The following FNDC3A variants were observed in gnomAD, a reference collection of about 807,000 sequenced individuals.
FNDC3A encodes the protein fibronectin type III domain containing 3A.
In FNDC3A, 32 loss-of-function variants were observed where a neutral mutation model predicts 148.9. The observed-to-expected ratio is 0.21, with a 90% CI of 0.16 to 0.29. The LOEUF (loss-of-function observed/expected upper bound fraction) is 0.29, where lower values mean the gene tolerates loss of function less well. Ranked by LOEUF, FNDC3A falls within the 10% of genes least tolerant of loss-of-function variation. The pLI, the probability that FNDC3A is intolerant of heterozygous loss-of-function variation, is 1.00. For missense variants in FNDC3A, 1,191 were observed against 1,452.8 expected, an observed-to-expected ratio of 0.82 and a Z score of 2.93; for synonymous variants, 472 against 473.6, an observed-to-expected ratio of 1.00 and a Z score of 0.04.
intron 4 of FNDC3A, among the ~76,000 whole-genome samples, chr13:49,129,403 G>T (rs1200461797): frequency 1.3e-5 from 2 of 152,216 alleles, no homozygotes; most frequent in Non-Finnish European, 2.9e-5. Flanking sequence ...TGAATATGAA[G>T]TACAAGCCTC....
chr13:49,197,811 G>A lies in FNDC3A; in HGVS notation c.2427G>A (p.Gly809=), dbSNP rs192543374. 9 of 1,610,708 alleles carry A rather than the reference G, an allele frequency of 5.6e-6. No homozygotes were observed. The East Asian group carries it at 1.6e-4, about 28-fold the overall frequency. ...VEGSMQICYC[G]PGLSYEIKGL... is the part of the protein sequence containing the mutation. The stretch of plus-strand genomic sequence containing the variant: ...GAAGTATGCAGATATGTTACTGTGG[G>A]CCTGGTCTCAGTTATGAAATAAAAG... The change falls in exon 21 of 26, where the codon GGG becomes GGA. Residue 809 remains glycine, a synonymous_variant. Coordinates refer to ENST00000492622, the MANE Select transcript of FNDC3A (RefSeq NM_001079673.2).
intron 14 of FNDC3A, among the ~76,000 whole-genome samples, chr13:49,184,664 C>T (rs1055604732): frequency 5.3e-5 from 8 of 151,912 alleles, no homozygotes; most frequent in African/African-American, 1.7e-4. Flanking sequence ...GGAGAGAGAC[C>T]CTGGGGTCGT....
chr13:49,097,152 G>A (rs571690127), intron 3 of FNDC3A, among the ~76,000 whole-genome samples: 2 of 152,064 alleles, frequency 1.3e-5, no homozygotes, highest in African/African-American at 4.8e-5. Context: ...TTAAGCAGGG[G>A]ATAACCAAAA....
chr13:49,118,795 A>G (rs1030748000), intron 4 of FNDC3A, among the ~76,000 whole-genome samples: 21 of 152,192 alleles, frequency 1.4e-4, no homozygotes, highest in Admixed American at 1.2e-3. Context: ...TAGCCAGACT[A>G]CCTCTCTAGA....
In FNDC3A at chr13:49,191,535, G is replaced by A. The variant is rs1019300363; in HGVS notation, c.2226+151G>A. 4.5e-5 allele frequency: 25 copies of A among 558,308 alleles called. No individual in the cohort carries two copies. In the Admixed American group the frequency reaches 6.1e-4, roughly 14 times the overall value. The allele number at this position is 558,308 out of a possible 1,614,324, so 34.6% of individuals were successfully genotyped here. Reference sequence around the variant, plus strand: ...AACAAGCCTACATTGATAAATACAAGAGAAGTCGGTATATTCCATAACTTA... The same window carrying A: ...AACAAGCCTACATTGATAAATACAAAAGAAGTCGGTATATTCCATAACTTA... On this transcript the variant is annotated intron_variant, in intron 19 of 25. Coordinates refer to ENST00000492622, the MANE Select transcript of FNDC3A (RefSeq NM_001079673.2).
chr13:49,188,689 A>G (rs1885719312), intron 17 of FNDC3A, 56 bp downstream of exon 17: 17 of 1,037,970 alleles, frequency 1.6e-5, no homozygotes, highest in Non-Finnish European at 2.6e-5. Context: ...CAAATGGGGT[A>G]GGATCACCAG....
At chr13:49,143,978 TTACTACTACTACTAC>T (rs71188348) in intron 7 of FNDC3A, among the ~76,000 whole-genome samples, 1 of 138,904 alleles carries the variant, frequency 7.2e-6, no homozygotes, top group Non-Finnish European at 1.5e-5. Flanking sequence ...GACCCCATCT[TTACTACTACTACTAC>T]TACTACTACT....
intron 2 of FNDC3A, among the ~76,000 whole-genome samples, chr13:49,019,475 C>G (rs759459805): frequency 2.0e-5 from 3 of 152,190 alleles, no homozygotes; most frequent in Admixed American, 2.0e-4. Flanking sequence ...GCAGGGTGCG[C>G]GCACCCACTG....
intron 3 of FNDC3A, among the ~76,000 whole-genome samples, chr13:49,091,788 C>T (rs561532013): frequency 1.3e-5 from 2 of 152,340 alleles, no homozygotes; most frequent in Admixed American, 1.3e-4. Context: ...GAGCCACTTC[C>T]TCATGTAACT....
intron 25 of FNDC3A, among the ~76,000 whole-genome samples, chr13:49,206,379 G>A (rs780915234): frequency 6.6e-6 from 1 of 151,978 alleles, no homozygotes; most frequent in Admixed American, 6.6e-5. Flanking sequence ...CACTAAGCTT[G>A]TGGTAGTTAT....
At chr13:48,993,201 A>G (rs1404570818) in intron 1 of FNDC3A, among the ~76,000 whole-genome samples, 2 of 152,146 alleles carry the variant, frequency 1.3e-5, no homozygotes, top group African/African-American at 2.4e-5. Context: ...ATTGTTATCA[A>G]CTTTACATCC....
At chr13:49,113,975 A>C (rs1425234414) in intron 3 of FNDC3A, among the ~76,000 whole-genome samples, 1 of 152,168 alleles carries the variant, frequency 6.6e-6, no homozygotes, top group Non-Finnish European at 1.5e-5. Flanking sequence ...GGAAGTGTAG[A>C]GTGAGAGAAG....
chr13:49,185,874 G>T, intron 14 of FNDC3A, 90 bp from the exon 15 acceptor site: 2 of 977,474 alleles, frequency 2.0e-6, no homozygotes, highest in Non-Finnish European at 3.1e-6. Flanking sequence ...TCATTTGGTT[G>T]AAGCTGTTTG....
chr13:49,069,159 G>A (rs909818638), intron 2 of FNDC3A, among the ~76,000 whole-genome samples: 9 of 152,150 alleles, frequency 5.9e-5, no homozygotes, highest in African/African-American at 2.2e-4. Flanking sequence ...AGAATGAAAT[G>A]AGTATTTAAC....
At chr13:49,052,172 T>C (rs1015914700) in intron 2 of FNDC3A, among the ~76,000 whole-genome samples, 1 of 152,214 alleles carries the variant, frequency 6.6e-6, no homozygotes, top group Non-Finnish European at 1.5e-5. Context: ...TTCTGAATTC[T>C]TTTTCTGGCA....
At chr13:49,160,722 T>G (rs1026274565) in intron 8 of FNDC3A, among the ~76,000 whole-genome samples, 2 of 151,938 alleles carry the variant, frequency 1.3e-5, no homozygotes, top group African/African-American at 4.8e-5. Context: ...ACGGTGTCGA[T>G]TTTAGATCTT....
intron 2 of FNDC3A, among the ~76,000 whole-genome samples, chr13:49,050,014 A>G (rs1875721835): frequency 1.3e-5 from 2 of 152,114 alleles, no homozygotes; most frequent in Admixed American, 6.6e-5. Context: ...GCCACGGCGA[A>G]CAGCCTTCTC....
At chr13:48,994,003 CT>C (rs1951973053) in intron 1 of FNDC3A, among the ~76,000 whole-genome samples, 1 of 152,178 alleles carries the variant, frequency 6.6e-6, no homozygotes, top group South Asian at 2.1e-4. Context: ...TAGAAATTGA[CT>C]ATTTGAGATT....
intron 8 of FNDC3A, among the ~76,000 whole-genome samples, chr13:49,158,278 G>A (rs186425139): frequency 6.6e-4 from 101 of 152,308 alleles, no homozygotes; most frequent in African/African-American, 9.1e-4. Context: ...GGAGTGACCC[G>A]ATTTTCCAGG....
Sources: allele counts gnomAD v4.1 joint callset (sites outside exome capture counted in the v4.1 genomes callset), GRCh38; gene constraint gnomAD v4.1.1; transcripts MANE v1.5; gene names NCBI Gene and HGNC (gene_info 2026-07-23, HGNC 2026-07-21).